NRXN3: variants seen among roughly 807,000 people sequenced by gnomAD.
NRXN3 encodes neurexin 3.
A neutral mutation model predicts 137.6 loss-of-function variants in NRXN3; 32 were observed. The ratio of observed to expected loss-of-function variants is 0.23; its 90% CI spans 0.18 to 0.31. The LOEUF is 0.31. Among genes scored for constraint, NRXN3 ranks in the 10% least tolerant of loss-of-function variants. The probability of loss-of-function intolerance (pLI) is 1.00; values close to 1 mark genes in which losing one functional copy is unlikely to be tolerated. For missense variants in NRXN3, 1,574 were observed against 2,062.5 expected, an observed-to-expected ratio of 0.76 and a Z score of 4.59; for synonymous variants, 798 against 784.5, an observed-to-expected ratio of 1.02 and a Z score of -0.29.
At position 78,297,713 on chromosome 14, in the gene NRXN3, C is replaced by T. The variant is rs1225914244; in HGVS notation, c.728-118C>T. ...GAGCAAGCGTGCGGCCCCTGTCACTCCTTTTTCCACTCAAGGATTAAGATT... is the reference window on the plus strand; with the variant it reads ...GAGCAAGCGTGCGGCCCCTGTCACTTCTTTTTCCACTCAAGGATTAAGATT... On this transcript the variant is annotated intron_variant, in intron 3 of 20. Coordinates refer to ENST00000335750, the MANE Select transcript of NRXN3 (RefSeq NM_001330195.2). 5.0e-6 allele frequency: 4 copies of T among 797,188 alleles called. No homozygotes were observed. The East Asian group carries it at 8.1e-5, about 16-fold the overall frequency. The allele number at this position is 797,188 out of a possible 1,614,324, so 49.4% of individuals were successfully genotyped here.
At chr14:78,505,144 C>T (rs1381331441) in intron 4 of NRXN3, among the ~76,000 whole-genome samples, 1 of 151,998 alleles carries the variant, frequency 6.6e-6, no homozygotes, top group Admixed American at 6.6e-5. Context: ...CATTGATTTC[C>T]TAGGCCTTAC....
intron 4 of NRXN3, among the ~76,000 whole-genome samples, chr14:78,382,246 A>G (rs2089257842): frequency 6.6e-6 from 1 of 152,248 alleles, no homozygotes; most frequent in Non-Finnish European, 1.5e-5. Context: ...GATATGCATA[A>G]TAAAGTACAG....
chr14:78,961,601 A>G (rs989473995), intron 11 of NRXN3, among the ~76,000 whole-genome samples: 4 of 152,244 alleles, frequency 2.6e-5, no homozygotes, highest in South Asian at 2.1e-4. Context: ...GCACTCTATT[A>G]AAAACTTTAC....
intron 4 of NRXN3, among the ~76,000 whole-genome samples, chr14:78,553,625 A>G (rs994346371): frequency 6.6e-6 from 1 of 152,196 alleles, no homozygotes; most frequent in Non-Finnish European, 1.5e-5. Flanking sequence ...GAGGAGGAGG[A>G]ATACTTCTGA....
At chr14:79,738,148 A>G (rs2154077333) in intron 19 of NRXN3, among the ~76,000 whole-genome samples, 1 of 152,254 alleles carries the variant, frequency 6.6e-6, no homozygotes, top group Admixed American at 6.5e-5. Context: ...TCTTCCAAGG[A>G]TAATTTCTTA....
chr14:79,219,022 A>C (rs1292073299), intron 15 of NRXN3, among the ~76,000 whole-genome samples: 1 of 152,172 alleles, frequency 6.6e-6, no homozygotes. Context: ...AAGTGAAAAA[A>C]TATATGTTTA....
intron 15 of NRXN3, among the ~76,000 whole-genome samples, chr14:79,245,922 G>A (rs2075103398): frequency 6.6e-6 from 1 of 152,084 alleles, no homozygotes; most frequent in Non-Finnish European, 1.5e-5. Flanking sequence ...GTTTGGTAAG[G>A]TGTCAAGGGT....
intron 2 of NRXN3, among the ~76,000 whole-genome samples, chr14:78,260,351 G>C (rs1441035448): frequency 6.6e-6 from 1 of 152,212 alleles, no homozygotes; most frequent in Non-Finnish European, 1.5e-5. Flanking sequence ...TGGACTCACT[G>C]TTCTTGGACT....
chr14:79,143,471 G>A (rs1875877335), intron 15 of NRXN3, among the ~76,000 whole-genome samples: 2 of 152,178 alleles, frequency 1.3e-5, no homozygotes, highest in Non-Finnish European at 2.9e-5. Context: ...CTTTGGTGGG[G>A]AACTGTCCCA....
chr14:79,067,296 T>C (rs1469740344), intron 15 of NRXN3, among the ~76,000 whole-genome samples: 5 of 152,238 alleles, frequency 3.3e-5, no homozygotes, highest in Non-Finnish European at 5.9e-5. Context: ...GAACCAAACT[T>C]GCATCCCAGT....
chr14:78,921,424 CACTT>C (rs992007009), intron 10 of NRXN3, among the ~76,000 whole-genome samples: 78 of 152,296 alleles, frequency 5.1e-4, no homozygotes, highest in African/African-American at 1.7e-3. Context: ...TTCACAGAAA[CACTT>C]ACCTCCATAT....
chr14:79,022,356 T>C (rs1051910539), intron 15 of NRXN3, among the ~76,000 whole-genome samples: 7 of 152,166 alleles, frequency 4.6e-5, no homozygotes, highest in African/African-American at 1.7e-4. Context: ...TTTTTTAAAT[T>C]GGTCTCCTAG....
chr14:78,309,385 T>G (rs1399953008), intron 4 of NRXN3, among the ~76,000 whole-genome samples: 1 of 151,880 alleles, frequency 6.6e-6, no homozygotes, highest in Non-Finnish European at 1.5e-5. Context: ...GTATAAATTA[T>G]TTTGTCACCC....
intron 10 of NRXN3, among the ~76,000 whole-genome samples, chr14:78,883,312 C>T (rs927998281): frequency 6.6e-6 from 1 of 152,096 alleles, no homozygotes; most frequent in Admixed American, 6.6e-5. Flanking sequence ...TTTTCACCTT[C>T]TGTAAAGAAG....
chr14:78,589,367 C>A lies in NRXN3; in HGVS notation c.758-55753C>A, dbSNP rs147794473. 6.6e-4 allele frequency among the ~76,000 whole-genome samples: 100 copies of A among 152,284 alleles called. No individual in the cohort carries two copies. In the East Asian group the frequency reaches 0.015, roughly 23 times the overall value. On this transcript the variant is annotated intron_variant, in intron 4 of 20. Transcript: ENST00000335750. ...TAACAGCTACTGTTCCTGAAGGACT[C>A]ATAAGAAGACTTCTGTGCACTTCCA... is the stretch of plus-strand genomic sequence containing the variant.
intron 10 of NRXN3, among the ~76,000 whole-genome samples, chr14:78,868,636 A>G (rs1596688539): frequency 6.6e-6 from 1 of 152,008 alleles, no homozygotes; most frequent in Non-Finnish European, 1.5e-5. Context: ...CCTGACCAAC[A>G]TGGAGAAACC....
At chr14:79,390,140 AC>A (rs1415576113) in intron 15 of NRXN3, among the ~76,000 whole-genome samples, 9 of 151,868 alleles carry the variant, frequency 5.9e-5, no homozygotes, top group Admixed American at 5.9e-4. Flanking sequence ...ACACAGTGAA[AC>A]CCCGTCTCTA....
intron 16 of NRXN3, among the ~76,000 whole-genome samples, chr14:79,539,605 G>A (rs886565044): frequency 6.6e-6 from 1 of 152,118 alleles, no homozygotes; most frequent in Admixed American, 6.5e-5. Context: ...TCACTTAAAA[G>A]CATTCTGACA....
At chr14:79,798,500 A>G (rs2099167575) in intron 19 of NRXN3, among the ~76,000 whole-genome samples, 1 of 152,198 alleles carries the variant, frequency 6.6e-6, no homozygotes, top group Admixed American at 6.5e-5. Context: ...GGGCTTCAGA[A>G]TATTTATGGG....
Sources: gnomAD v4.1 joint callset for allele counts (sites outside exome capture counted in the v4.1 genomes callset) on GRCh38, gnomAD v4.1.1 for gene constraint, MANE v1.5 for transcripts, NCBI Gene and HGNC (gene_info 2026-07-23, HGNC 2026-07-21) for gene names.